IMPDH1: variants seen among roughly 807,000 people sequenced by gnomAD.
IMPDH1 encodes the protein inosine monophosphate dehydrogenase 1, also known as inosine-5'-monophosphate dehydrogenase 1.
In IMPDH1, 41 loss-of-function variants were observed where a neutral mutation model predicts 73.5. The ratio of observed to expected loss-of-function variants is 0.56; its 90% CI spans 0.43 to 0.72. IMPDH1 has a LOEUF of 0.72. Ranked by LOEUF, IMPDH1 falls within the 30% of genes least tolerant of loss-of-function variation. IMPDH1 has a pLI of 0.00. For missense variants in IMPDH1, 645 were observed against 824.8 expected (o/e 0.78, Z 2.67); for synonymous variants, 318 against 334.3 (o/e 0.95, Z 0.53).
At chr7:128,395,797 C>T (rs567037993) in intron 12 of IMPDH1, among the ~76,000 whole-genome samples, 3 of 152,344 alleles carry the variant, frequency 2.0e-5, no homozygotes, top group African/African-American at 7.2e-5. Flanking sequence ...TGTCCCTACT[C>T]TACCTCAAAG....
chr7:128,395,982 C>T (rs1797887210), intron 12 of IMPDH1, among the ~76,000 whole-genome samples: 2 of 152,200 alleles, frequency 1.3e-5, no homozygotes, highest in Non-Finnish European at 2.9e-5. Context: ...AAATGCATCA[C>T]TCAGTGTTTT....
intron 5 of IMPDH1, among the ~76,000 whole-genome samples, chr7:128,402,188 C>T (rs1406642565): frequency 5.9e-5 from 9 of 152,068 alleles, no homozygotes; most frequent in Non-Finnish European, 1.3e-4. Flanking sequence ...CTGCAACCTC[C>T]GCCTCCCAGA....
At chr7:128,406,154 G>T (rs1482295903) in intron 3 of IMPDH1, among the ~76,000 whole-genome samples, 1 of 148,990 alleles carries the variant, frequency 6.7e-6, no homozygotes, top group Non-Finnish European at 1.5e-5. Context: ...TGCCTGCAGC[G>T]GCGCTGCGAC....
At chr7:128,395,324 G>A (rs748767533) in intron 12 of IMPDH1, 50 bp from the exon 13 acceptor site, 52 of 1,606,050 alleles carry the variant, frequency 3.2e-5, no homozygotes, top group South Asian at 5.5e-5. Context: ...CAGCAACTCC[G>A]GGGCCTGGAG....
In IMPDH1 at chr7:128,398,588, G is replaced by A. The variant is rs41281737; in HGVS notation, c.900C>T (p.Cys300=). The A allele has an allele frequency of 1.1e-5, 17 of 1,612,734 alleles. No homozygotes were observed. Among genetic ancestry groups the A allele is most frequent in the Middle Eastern group, 1.7e-4 (1 of 6,060 alleles). Residue 300 remains cysteine, a synonymous_variant, in exon 10 of 17, where the codon TGC becomes TGT. Transcript: ENST00000338791. The surrounding 1 kb of genome is among the most constrained non-coding windows in gnomAD (Gnocchi z 4.3). The stretch of plus-strand genomic sequence containing the variant: ...GGGCGATGATGGCCACCAGCTCATC[G>A]CAATCATTGACGATAGGCAGCTTCC... The part of the protein sequence containing the change: ...KKGKLPIVND[C]DELVAIIART...
In IMPDH1 at chr7:128,394,696, C is replaced by T; in HGVS notation, c.1551-97G>A. On this transcript the variant is annotated intron_variant, in intron 14 of 16. Transcript: ENST00000338791. The surrounding 1 kb of genome is among the most constrained non-coding windows in gnomAD (Gnocchi z 5.5). ...AAAACGGGATACCGCCCAGGAAGGT[C>T]CCCCAGGCCACCCCTCACTGGGCTG... The T allele has an allele frequency of 6.7e-7, 1 of 1,498,278 alleles. No homozygotes were observed. Among genetic ancestry groups the T allele is most frequent in the Non-Finnish European group, 9.2e-7 (1 of 1,090,256 alleles). 92.8% of individuals were successfully genotyped at this position (1,498,278 alleles called of 1,614,324 possible).
chr7:128,409,290 TA>T lies in IMPDH1; in HGVS notation c.252del (p.Ser85AlafsTer6). The T allele has an allele frequency of 6.2e-7, 1 of 1,613,556 alleles. No homozygotes were observed. The highest frequency in any genetic ancestry group is 1.3e-5 in the African/African-American group (1 of 75,040). On this transcript the variant is annotated frameshift_variant and splice_region_variant, in exon 3 of 17. Coordinates refer to ENST00000338791, the MANE Select transcript of IMPDH1 (RefSeq NM_000883.4). LOFTEE classifies it high-confidence loss of function. Reference protein sequence around the residue: ...VGVQMDRLRRASMADYLISGG... With the variant: ...VGVQMDRLRRXSMADYLISGG... Reference sequence around the variant, plus strand: ...GTGAGGAGGGGAGAGTGTCCTCACCTAGCCCTGCGAAGGCGATCCATCTGGA... The same window carrying T: ...GTGAGGAGGGGAGAGTGTCCTCACCTGCCCTGCGAAGGCGATCCATCTGGA...
At position 128,404,453 on chromosome 7, in the gene IMPDH1, G is replaced by C. The variant is rs565349494; in HGVS notation, c.354-699C>G. Among the ~76,000 whole-genome samples, 3 of 152,336 alleles carry C rather than the reference G, an allele frequency of 2.0e-5. No individual in the cohort carries two copies. The East Asian group carries it at 5.8e-4, about 29-fold the overall frequency. ...AACTCCGCAAGGGAAGTGCAGGCCT[G>C]CATGGGTACATCTAGGTGCAGGGTC... On this transcript the variant is annotated intron_variant, in intron 4 of 16. Coordinates refer to ENST00000338791, the MANE Select transcript of IMPDH1 (RefSeq NM_000883.4).
chr7:128,392,932 T>C lies in IMPDH1; in HGVS notation c.*75A>G. 3 of 1,453,476 alleles carry C rather than the reference T, an allele frequency of 2.1e-6. No individual in the cohort carries two copies. The highest frequency in any genetic ancestry group is 2.9e-6 in the Non-Finnish European group (3 of 1,033,928). The allele number at this position is 1,453,476 out of a possible 1,614,324, so 90.0% of individuals were successfully genotyped here. The stretch of plus-strand genomic sequence containing the variant: ...TAGTGCAAATCTGTGGACCACTCAG[T>C]TATGGAGGGAGGCTGTGCCCAAAAG... On this transcript the variant is annotated 3_prime_UTR_variant, in exon 17 of 17. Transcript: ENST00000338791.
chr7:128,395,945 G>C (rs557805281), intron 12 of IMPDH1, among the ~76,000 whole-genome samples: 2 of 152,212 alleles, frequency 1.3e-5, no homozygotes, highest in East Asian at 1.9e-4. Flanking sequence ...GGACCAAAAG[G>C]GGGAGCTGTT....
At position 128,405,844 on chromosome 7, in the gene IMPDH1, G is replaced by A. The variant is rs1798696361; in HGVS notation, c.276C>T (p.Ser92=). The A allele has an allele frequency of 6.5e-7, 1 of 1,536,650 alleles. No homozygotes were observed. Among genetic ancestry groups the A allele is most frequent in the Non-Finnish European group, 8.7e-7 (1 of 1,143,492 alleles). The change falls in exon 4 of 17, where the codon AGC becomes AGT. Residue 92 remains serine, a synonymous_variant. Transcript: ENST00000338791. ...RRASMADYLI[S]GGTGYVPEDG... ...CCTCGGGCACGTAGCCGGTGCCGCC[G>A]CTGATCAGGTAGTCCGCCATGCTGC...
At chr7:128,401,528 G>A (rs1798335657) in intron 5 of IMPDH1, among the ~76,000 whole-genome samples, 1 of 152,192 alleles carries the variant, frequency 6.6e-6, no homozygotes. Flanking sequence ...AGAAAAAGAA[G>A]GCCAGGGGAG....
chr7:128,409,457 C>A lies in IMPDH1; in HGVS notation c.174G>T (p.Pro58=). ...TGGAGCCACCTGAACGGGGTGTCGT[C>A]GGGTGTGTAGCGAGGTCCAATCTAG... ...ESPRLDLATH[P]TTPRSELSSV... The change falls in exon 2 of 17, where the codon CCG becomes CCT. Residue 58 remains proline (P), a synonymous_variant. Coordinates refer to ENST00000338791, the MANE Select transcript of IMPDH1 (RefSeq NM_000883.4). 1 of 1,614,180 alleles carries A rather than the reference C, an allele frequency of 6.2e-7. No individual in the cohort carries two copies. Among genetic ancestry groups the A allele is most frequent in the Non-Finnish European group, 8.5e-7 (1 of 1,180,020 alleles).
chr7:128,399,984 C>G, intron 9 of IMPDH1, 111 bp downstream of exon 9: 1 of 886,220 alleles, frequency 1.1e-6, no homozygotes, highest in Non-Finnish European at 1.9e-6. Flanking sequence ...TTCGAACCTT[C>G]CCCAGGGCTC....
In IMPDH1 at chr7:128,398,111, G is replaced by A. The variant is rs1036557528; in HGVS notation, c.1074+303C>T. Among the ~76,000 whole-genome samples, 1 of 152,144 alleles carries A rather than the reference G, an allele frequency of 6.6e-6. No homozygotes were observed. Among genetic ancestry groups the A allele is most frequent in the Admixed American group, 6.5e-5 (1 of 15,282 alleles). The stretch of plus-strand genomic sequence containing the variant: ...GCCACTGGAGAATTTTAACTTGTTT[G>A]TTTTCTTTCTTTGTATCTCAGATGA... On this transcript the variant is annotated intron_variant, in intron 10 of 16. Coordinates refer to ENST00000338791, the MANE Select transcript of IMPDH1 (RefSeq NM_000883.4). The surrounding 1 kb of genome is among the most constrained non-coding windows in gnomAD (Gnocchi z 4.3).
At chr7:128,405,256 C>A (rs1029604189) in intron 4 of IMPDH1, among the ~76,000 whole-genome samples, 6 of 152,166 alleles carry the variant, frequency 3.9e-5, no homozygotes, top group African/African-American at 2.4e-5. Flanking sequence ...GGGAGGGGCA[C>A]CAATACCAAC....
chr7:128,406,871 G>A (rs1184072379), intron 3 of IMPDH1, among the ~76,000 whole-genome samples: 1 of 152,182 alleles, frequency 6.6e-6, no homozygotes, highest in Admixed American at 6.5e-5. Context: ...AGACAAGTGT[G>A]CATACAAATA....
chr7:128,400,223 G>C (rs770548425), intron 8 of IMPDH1, 41 bp from the exon 9 acceptor site: 1 of 1,611,598 alleles, frequency 6.2e-7, no homozygotes, highest in South Asian at 1.1e-5. Flanking sequence ...TGGCAGGTGA[G>C]AGAGAAGGAG....
At chr7:128,406,291 C>T (rs1798761710) in intron 3 of IMPDH1, among the ~76,000 whole-genome samples, 1 of 2,282 alleles carries the variant, frequency 4.4e-4, no homozygotes, top group South Asian at 0.026. Flanking sequence ...CCCCACCCCC[C>T]CACACCCCCA....
Sources: gnomAD v4.1 joint callset for allele counts (sites outside exome capture counted in the v4.1 genomes callset) on GRCh38, gnomAD v4.1.1 for gene constraint, Gnocchi (gnomAD v3.1) non-coding constraint, MANE v1.5 for transcripts, NCBI Gene and HGNC (gene_info 2026-07-23, HGNC 2026-07-21) for gene names.